Variants in ZNF395 observed in about 807,000 individuals in gnomAD.
ZNF395 encodes HD gene regulatory region-binding protein 2.
A neutral mutation model predicts 57.7 loss-of-function variants in ZNF395; 20 were observed. The observed-to-expected ratio is 0.35, with a 90% CI of 0.24 to 0.50. The LOEUF is 0.50. Among genes scored for constraint, ZNF395 ranks in the 20% least tolerant of loss-of-function variants. ZNF395 has a pLI of 0.97. For synonymous variants in ZNF395, 295 were observed against 275.9 expected, an observed-to-expected ratio of 1.07 and a Z score of -0.69; for missense variants, 606 against 671.2, an observed-to-expected ratio of 0.90 and a Z score of 1.07.
rs1014232745 is a variant in ZNF395 at position 28,359,887 on chromosome 8, T to C, written c.241-63A>G. ...GATGGGTCTCGCCCTGAAGTTCTCA[T>C]GCACCCCACGTCCCAGGAGCCAGGA... On this transcript the variant is annotated intron_variant, in intron 2 of 9. Coordinates refer to ENST00000344423, the MANE Select transcript of ZNF395 (RefSeq NM_018660.3). The surrounding 1 kb of genome is among the most constrained non-coding windows in gnomAD (Gnocchi z 4.7). 12 of 1,559,954 alleles carry C rather than the reference T, an allele frequency of 7.7e-6. No homozygotes were observed. The African/African-American group carries it at 9.5e-5, about 12-fold the overall frequency.
At chr8:28,361,571 C>G (rs1801850024) in intron 1 of ZNF395, among the ~76,000 whole-genome samples, 1 of 152,188 alleles carries the variant, frequency 6.6e-6, no homozygotes, top group Non-Finnish European at 1.5e-5. Context: ...ATTCTAATCT[C>G]TTATTATTTA....
rs552243000 is a variant in ZNF395, at chr8:28,362,355, G to A, written c.-58-1173C>T. On this transcript the variant is annotated intron_variant, in intron 1 of 9. Coordinates refer to ENST00000344423, the MANE Select transcript of ZNF395 (RefSeq NM_018660.3). ...GCCCTCCTCCTACAGAGCACACGTG[G>A]CTCCTCAGTTCCTAATCTCTGCTGT... 2.6e-5 allele frequency among the ~76,000 whole-genome samples: 4 copies of A among 152,244 alleles called. No individual in the cohort carries two copies. The South Asian group carries it at 8.3e-4, about 32-fold the overall frequency.
At chr8:28,357,400 T>C (rs1174520296) in intron 3 of ZNF395, among the ~76,000 whole-genome samples, 1 of 152,210 alleles carries the variant, frequency 6.6e-6, no homozygotes. Flanking sequence ...CAAGTGTCCA[T>C]GCTTTATACA....
chr8:28,353,292 G>T lies in ZNF395; in HGVS notation c.700C>A (p.His234Asn), dbSNP rs145352684. The change falls in exon 5 of 10, where the codon CAC becomes AAC. Residue 234 changes from histidine (H) to asparagine (N), a missense_variant. This residue lies in a region of ZNF395 where 309 missense variants were observed against 374.7 expected (regional missense o/e 0.82). Transcript: ENST00000344423. The stretch of plus-strand genomic sequence containing the variant: ...AAATACTTGGGGCTGGCCTGGGGGT[G>T]GGGGGGCGAGGGGGTGGAGACACCA... ...SSGVSTPSPP[H>N]PQASPKYLGD... 38 of 1,606,258 alleles carry T rather than the reference G, an allele frequency of 2.4e-5. No homozygotes were observed. Among genetic ancestry groups the T allele is most frequent in the African/African-American group, 8.0e-5 (6 of 74,878 alleles).
intron 7 of ZNF395, 191 bp downstream of exon 7, chr8:28,351,304 A>G (rs1387525797): frequency 1.7e-6 from 1 of 574,806 alleles, no homozygotes; most frequent in South Asian, 3.2e-5. Flanking sequence ...ACAGCTGCCA[A>G]TGTAGATAAC....
rs547945591 is a variant in ZNF395 at position 28,351,708 on chromosome 8, G to GGCAGCAGCA, written c.1011_1019dup (p.Ala339_Ala341dup). 4.4e-6 allele frequency: 7 copies of GGCAGCAGCA among 1,608,934 alleles called. No homozygotes were observed. Among genetic ancestry groups the GGCAGCAGCA allele is most frequent in the South Asian group, 3.3e-5 (3 of 90,962 alleles). On this transcript the variant is annotated inframe_insertion, in exon 7 of 10. Coordinates refer to ENST00000344423, the MANE Select transcript of ZNF395 (RefSeq NM_018660.3). ...GAGTCCCAGGGACTGGGGTGCCTGCGGCAGCAGCAGCAGCAGCAGCAGCAG... is the reference window on the plus strand; with the variant it reads ...GAGTCCCAGGGACTGGGGTGCCTGCGGCAGCAGCAGCAGCAGCAGCAGCAGCAGCAGCAG...
rs556074850 is a variant in ZNF395 at position 28,373,240 on chromosome 8, G to A, written c.-58-12058C>T. The stretch of plus-strand genomic sequence containing the variant: ...GGCCAGGGACACCGGCCCACAACCG[G>A]CCACAAAGCTGTCTTCGGGAAGGGC... On this transcript the variant is annotated intron_variant, in intron 1 of 9. Coordinates refer to ENST00000344423, the MANE Select transcript of ZNF395 (RefSeq NM_018660.3). 2.0e-5 allele frequency among the ~76,000 whole-genome samples: 3 copies of A among 152,322 alleles called. No homozygotes were observed. The East Asian group carries it at 5.8e-4, about 29-fold the overall frequency.
At chr8:28,357,723 T>G (rs1801797913) in intron 3 of ZNF395, among the ~76,000 whole-genome samples, 1 of 152,244 alleles carries the variant, frequency 6.6e-6, no homozygotes, top group African/African-American at 2.4e-5. Context: ...ATTCTTTACC[T>G]GCATTCCACT....
At chr8:28,384,107 C>A (rs1802142003) in intron 1 of ZNF395, among the ~76,000 whole-genome samples, 2 of 152,260 alleles carry the variant, frequency 1.3e-5, no homozygotes, top group Non-Finnish European at 1.5e-5. Context: ...CCCTGCAACT[C>A]CAACAGCCTG....
intron 1 of ZNF395, among the ~76,000 whole-genome samples, chr8:28,362,300 G>C (rs1310262978): frequency 6.6e-6 from 1 of 152,170 alleles, no homozygotes; most frequent in East Asian, 1.9e-4. Context: ...AAGGGGACGA[G>C]TCAGACCCAG....
intron 1 of ZNF395, among the ~76,000 whole-genome samples, chr8:28,384,081 G>A (rs1292270948): frequency 6.6e-6 from 1 of 152,050 alleles, no homozygotes; most frequent in Non-Finnish European, 1.5e-5. Context: ...AGTGATCCCA[G>A]TGCAAACTCT....
At chr8:28,365,293 C>A (rs1801897724) in intron 1 of ZNF395, 1 of 152,248 alleles carries the variant, frequency 6.6e-6, no homozygotes, top group Non-Finnish European at 1.5e-5. Context: ...CTCTGGGCCG[C>A]CCGTGACTTT....
intron 4 of ZNF395, among the ~76,000 whole-genome samples, chr8:28,354,021 G>A (rs559380894): frequency 1.3e-5 from 2 of 152,336 alleles, no homozygotes; most frequent in Admixed American, 6.5e-5. Context: ...CTCTCAGGAG[G>A]GTGCACAACA....
At chr8:28,349,651 C>G (rs115395567) in intron 8 of ZNF395, among the ~76,000 whole-genome samples, 2,896 of 152,350 alleles carry the variant, frequency 0.019, 101 homozygotes, top group African/African-American at 0.066. Context: ...GGGGGTCCAC[C>G]TATGGCCCTT....
chr8:28,369,733 G>C (rs1801954933), intron 1 of ZNF395, among the ~76,000 whole-genome samples: 1 of 152,356 alleles, frequency 6.6e-6, no homozygotes, highest in Middle Eastern at 3.4e-3. Context: ...CCACACGGGT[G>C]GGGGCAGACC....
chr8:28,351,395 A>T (rs1056657691), intron 7 of ZNF395, 100 bp downstream of exon 7: 89 of 1,361,756 alleles, frequency 6.5e-5, no homozygotes, highest in Non-Finnish European at 8.3e-5. Flanking sequence ...ATTTGGCCAA[A>T]GGGCTCAGCC....
chr8:28,360,716 A>G (rs186287665), intron 2 of ZNF395, among the ~76,000 whole-genome samples, 169 bp downstream of exon 2: 54 of 152,298 alleles, frequency 3.5e-4, no homozygotes, highest in East Asian at 2.5e-3. Flanking sequence ...TCTACTAACA[A>G]TGTCATATTC....
intron 3 of ZNF395, among the ~76,000 whole-genome samples, chr8:28,357,124 G>A (rs1801790498): frequency 6.6e-6 from 1 of 152,162 alleles, no homozygotes; most frequent in African/African-American, 2.4e-5. Flanking sequence ...TTAAAAAAAG[G>A]AGAATTTTAT....
Position 28,356,612 on chromosome 8 carries a change from G to T in ZNF395, c.583+58C>A. On this transcript the variant is annotated intron_variant, in intron 4 of 9. Coordinates refer to ENST00000344423, the MANE Select transcript of ZNF395 (RefSeq NM_018660.3). This position sits in a 1 kb window ranked among gnomAD's most constrained non-coding sequence, Gnocchi z 4.0. ...TAGGCAACTAGCTGCTCTGCACAGA[G>T]GATGTTTGTCGTGGGCCTCTACCAT... The T allele has an allele frequency of 7.5e-7, 1 of 1,329,072 alleles. No individual in the cohort carries two copies. The highest frequency in any genetic ancestry group is 1.1e-6 in the Non-Finnish European group (1 of 932,254). The allele number at this position is 1,329,072 out of a possible 1,614,324, so 82.3% of individuals were successfully genotyped here. A position where few individuals can be genotyped will look rare whatever the true frequency, so the allele number is the denominator to read the frequency against.
Sources: allele counts gnomAD v4.1 joint callset (sites outside exome capture counted in the v4.1 genomes callset), GRCh38; gene constraint gnomAD v4.1.1; regional missense constraint gnomAD v4.1.1; non-coding constraint Gnocchi (gnomAD v3.1); transcripts MANE v1.5; gene names NCBI Gene and HGNC (gene_info 2026-07-23, HGNC 2026-07-21).